The following MYO16 variants were observed in gnomAD, a reference collection of about 807,000 sequenced individuals.
The protein encoded by MYO16 is unconventional myosin-XVI.
In MYO16, 94 loss-of-function variants were observed where a neutral mutation model predicts 205.3. That is an observed-to-expected ratio of 0.46 (90% CI 0.39 to 0.54). The LOEUF (loss-of-function observed/expected upper bound fraction) is 0.54, where lower values mean the gene tolerates loss of function less well. Ranked by LOEUF, MYO16 falls within the 20% of genes least tolerant of loss-of-function variation. The probability of loss-of-function intolerance (pLI) is 0.00; values close to 1 mark genes in which losing one functional copy is unlikely to be tolerated. For synonymous variants in MYO16, 988 were observed against 954.0 expected (o/e 1.04, Z -0.66); for missense variants, 2,315 against 2,387.5 (o/e 0.97, Z 0.63).
chr13:109,063,782 C>CTTG (rs34775148), intron 27 of MYO16, among the ~76,000 whole-genome samples: 87,564 of 151,212 alleles, frequency 0.58, 25,313 homozygotes, highest in Admixed American at 0.6. Flanking sequence ...TTACTTGATA[C>CTTG]TTATGCTGAT....
At chr13:108,510,437 TTTTTATATTTAACATTGATAGCTG>T in the MYO16 span, among the ~76,000 whole-genome samples, 28 of 138,106 alleles carry the variant, frequency 2.0e-4, 2 homozygotes, top group African/African-American at 3.3e-4. Context: ...TTTTTTTTTT[TTTTTATATTTAACATTGATAGCTG>T]TTTTTTTTTT....
intron 34 of MYO16, among the ~76,000 whole-genome samples, chr13:109,184,897 T>A (rs1879620709): frequency 6.6e-6 from 1 of 152,162 alleles, no homozygotes; most frequent in Admixed American, 6.5e-5. Flanking sequence ...GCCTCCTGAG[T>A]AGCTGGGGCT....
chr13:108,648,422 C>A (rs1880851177), intron 1 of MYO16, among the ~76,000 whole-genome samples: 1 of 152,098 alleles, frequency 6.6e-6, no homozygotes, highest in Non-Finnish European at 1.5e-5. Context: ...TAGTTCACAG[C>A]CAAGTGCAGA....
At chr13:109,059,050 C>T (rs528716233) in intron 27 of MYO16, among the ~76,000 whole-genome samples, 2 of 152,236 alleles carry the variant, frequency 1.3e-5, no homozygotes, top group South Asian at 4.2e-4. Context: ...CTCCAGGCTC[C>T]ACTTCTAATT....
At chr13:108,783,312 C>T (rs1476950241) in intron 4 of MYO16, among the ~76,000 whole-genome samples, 1 of 152,164 alleles carries the variant, frequency 6.6e-6, no homozygotes, top group Non-Finnish European at 1.5e-5. Flanking sequence ...TTCAGACTTG[C>T]TTGGGCCCTG....
chr13:108,523,622 C>T, the MYO16 span, among the ~76,000 whole-genome samples: 1 of 152,172 alleles, frequency 6.6e-6, no homozygotes, highest in Admixed American at 6.5e-5. Flanking sequence ...CTGAGCCTCC[C>T]TTTCTCATGT....
At chr13:108,557,011 A>G in the MYO16 span, among the ~76,000 whole-genome samples, 2 of 152,082 alleles carry the variant, frequency 1.3e-5, no homozygotes, top group South Asian at 4.1e-4. Context: ...TTATGCTGGT[A>G]CCGTGGTATT....
intron 9 of MYO16, among the ~76,000 whole-genome samples, chr13:108,836,149 AG>A (rs1876904913): frequency 6.6e-6 from 1 of 152,150 alleles, no homozygotes; most frequent in Non-Finnish European, 1.5e-5. Context: ...TGTGCTGCTG[AG>A]GGACTTGATG....
chr13:108,663,329 C>A (rs1331012912), intron 1 of MYO16, among the ~76,000 whole-genome samples: 2 of 151,130 alleles, frequency 1.3e-5, no homozygotes, highest in Admixed American at 1.3e-4. Context: ...TTTTTGAGAT[C>A]AACTGGTCAT....
chr13:108,995,145 A>G (rs928143770), intron 21 of MYO16, among the ~76,000 whole-genome samples: 6 of 152,218 alleles, frequency 3.9e-5, no homozygotes, highest in Admixed American at 2.6e-4. Flanking sequence ...TATCGCTCAC[A>G]GTTCTGGAGG....
At chr13:108,818,479 A>G (rs1186688711) in intron 7 of MYO16, among the ~76,000 whole-genome samples, 3 of 151,582 alleles carry the variant, frequency 2.0e-5, no homozygotes, top group Non-Finnish European at 4.4e-5. Flanking sequence ...AGAGATTAAT[A>G]AAACAAACAC....
At chr13:108,583,041 G>A in the MYO16 span, among the ~76,000 whole-genome samples, 1 of 151,970 alleles carries the variant, frequency 6.6e-6, no homozygotes, top group Non-Finnish European at 1.5e-5. Flanking sequence ...ATAAATATTA[G>A]AATATTTAAA....
chr13:108,784,603 G>GA (rs71125339), intron 4 of MYO16, among the ~76,000 whole-genome samples: 12,013 of 152,044 alleles, frequency 0.079, 614 homozygotes, highest in Non-Finnish European at 0.12. Flanking sequence ...AAGAATAATA[G>GA]AAAAAACTCT....
intron 16 of MYO16, among the ~76,000 whole-genome samples, chr13:108,944,054 G>A (rs1361943843): frequency 1.3e-5 from 2 of 152,132 alleles, no homozygotes; most frequent in East Asian, 1.9e-4. Context: ...CAAATAATCC[G>A]AACACAGCAC....
At chr13:108,697,986 G>T (rs940329266) in intron 2 of MYO16, among the ~76,000 whole-genome samples, 1 of 152,186 alleles carries the variant, frequency 6.6e-6, no homozygotes. Context: ...GCCTCCCAAA[G>T]TGCTGGGATT....
At chr13:109,018,637 T>C (rs1436134584) in intron 22 of MYO16, among the ~76,000 whole-genome samples, 1 of 152,160 alleles carries the variant, frequency 6.6e-6, no homozygotes, top group Non-Finnish European at 1.5e-5. Context: ...AAGCATGGGA[T>C]ATAATCTCCT....
intron 7 of MYO16, among the ~76,000 whole-genome samples, chr13:108,811,141 T>TAA (rs1326140471): frequency 1.3e-5 from 2 of 152,190 alleles, no homozygotes; most frequent in Non-Finnish European, 2.9e-5. Context: ...TGCTGGAATC[T>TAA]AAGTATTTTT....
chr13:109,125,768 AC>A lies in MYO16; in HGVS notation c.3782+412del, dbSNP rs2139771899. The stretch of plus-strand genomic sequence containing the variant: ...GAAATCTGACCCAAAAAATGGAGAT[AC>A]CACTCTGAAAACATGGAAGAAGTGA... On this transcript the variant is annotated intron_variant, in intron 30 of 34. Transcript: ENST00000457511. The surrounding 1 kb of genome is among the most constrained non-coding windows in gnomAD (Gnocchi z 4.0). Among the ~76,000 whole-genome samples, 1 of 152,342 alleles carries A rather than the reference AC, an allele frequency of 6.6e-6. No homozygotes were observed. Among genetic ancestry groups the A allele is most frequent in the African/African-American group, 2.4e-5 (1 of 41,582 alleles).
chr13:108,983,921 A>G (rs1884539134), intron 20 of MYO16, among the ~76,000 whole-genome samples: 2 of 152,168 alleles, frequency 1.3e-5, no homozygotes, highest in South Asian at 2.1e-4. Flanking sequence ...CACTCCTACT[A>G]TACTGATCTA....
Sources: allele counts gnomAD v4.1 joint callset (sites outside exome capture counted in the v4.1 genomes callset), GRCh38; gene constraint gnomAD v4.1.1; non-coding constraint Gnocchi (gnomAD v3.1); transcripts MANE v1.5; gene names NCBI Gene and HGNC (gene_info 2026-07-23, HGNC 2026-07-21).